The following DCLK2 variants were observed in gnomAD, a reference collection of about 807,000 sequenced individuals.
DCLK2 encodes doublecortin like kinase 2, also known as serine/threonine-protein kinase DCLK2.
In DCLK2, 31 loss-of-function variants were observed where a neutral mutation model predicts 78.4. The ratio of observed to expected loss-of-function variants is 0.40; its 90% confidence interval spans 0.30 to 0.53. The LOEUF (loss-of-function observed/expected upper bound fraction) is 0.53, where lower values mean the gene tolerates loss of function less well. DCLK2 is among the 20% of genes least tolerant of loss of function. DCLK2 has a pLI of 0.61. For synonymous variants in DCLK2, 407 were observed against 374.9 expected, an observed-to-expected ratio of 1.09 and a Z score of -0.99; for missense variants, 872 against 973.7, an observed-to-expected ratio of 0.90 and a Z score of 1.39.
In DCLK2 at chr4:150,190,053, G is replaced by GAAAAAAAA. The variant is rs1378760105; in HGVS notation, c.757-3085_757-3084insAAAAAAAA. On this transcript the variant is annotated intron_variant, in intron 2 of 15. Transcript: ENST00000296550. ...CTGTCTCAAAAAAAAAAAAAAAAAG[G>GAAAAAAAA]CCAAGTGTGGTGGCTGTGGTCCCAG... Among the ~76,000 whole-genome samples, 12 of 12,946 alleles carry GAAAAAAAA rather than the reference G, an allele frequency of 9.3e-4. 2 individuals carry two copies. The highest frequency in any genetic ancestry group is 2.3e-3 in the Non-Finnish European group (8 of 3,496). 8.5% of individuals were successfully genotyped at this position (12,946 alleles called of 152,430 possible). A position where few individuals can be genotyped will look rare whatever the true frequency, so the allele number is the denominator to read the frequency against.
At chr4:150,172,607 C>CAAAAAAA (rs34267089) in intron 2 of DCLK2, among the ~76,000 whole-genome samples, 1 of 70,152 alleles carries the variant, frequency 1.4e-5, no homozygotes, top group African/African-American at 5.5e-5. Context: ...GACTCCGTCT[C>CAAAAAAA]AAAAAAAAAA....
At chr4:150,109,166 T>G (rs2150163404) in intron 2 of DCLK2, among the ~76,000 whole-genome samples, 1 of 152,306 alleles carries the variant, frequency 6.6e-6, no homozygotes, top group South Asian at 2.1e-4. Flanking sequence ...CTAACCATAT[T>G]TAGATAAAGC....
At chr4:150,080,785 A>G (rs1276945154) in intron 1 of DCLK2, among the ~76,000 whole-genome samples, 1 of 152,200 alleles carries the variant, frequency 6.6e-6, no homozygotes, top group African/African-American at 2.4e-5. Flanking sequence ...GAGTTTGTCT[A>G]TTTAGTCAGA....
intron 2 of DCLK2, among the ~76,000 whole-genome samples, chr4:150,163,498 A>G (rs1056567813): frequency 6.6e-6 from 1 of 152,214 alleles, no homozygotes; most frequent in Non-Finnish European, 1.5e-5. Context: ...AGAGGAGTTC[A>G]AAGCCCAGGA....
intron 5 of DCLK2, 51 bp from the exon 6 acceptor site, chr4:150,220,652 C>T: frequency 2.0e-6 from 3 of 1,474,218 alleles, no homozygotes; most frequent in Non-Finnish European, 2.8e-6. Flanking sequence ...GATTAGTTAG[C>T]TAGGGATTTG....
In DCLK2 at chr4:150,175,205, TTATATATATTTATC is replaced by T. The variant is rs575794101; in HGVS notation, c.757-17919_757-17906del. 8.6e-4 allele frequency among the ~76,000 whole-genome samples: 112 copies of T among 129,728 alleles called. 3 individuals are homozygous for T. The highest frequency in any genetic ancestry group is 2.1e-3 in the South Asian group (9 of 4,382). The allele number at this position is 129,728 out of a possible 152,430, so 85.1% of individuals were successfully genotyped here. A position where few individuals can be genotyped will look rare whatever the true frequency, so the allele number is the denominator to read the frequency against. ...ATATTTATAATTTATCTATATATAT[TTATATATATTTATC>T]TATATATATTTATATATATATAAAG... On this transcript the variant is annotated intron_variant, in intron 2 of 15. Transcript: ENST00000296550.
At chr4:150,201,388 TC>T (rs1739440116) in intron 4 of DCLK2, among the ~76,000 whole-genome samples, 1 of 152,040 alleles carries the variant, frequency 6.6e-6, no homozygotes, top group Non-Finnish European at 1.5e-5. Flanking sequence ...CCCATTAGCC[TC>T]CCCAGAACTG....
chr4:150,191,399 C>G (rs1488692849), intron 2 of DCLK2, among the ~76,000 whole-genome samples: 1 of 151,896 alleles, frequency 6.6e-6, no homozygotes, highest in Non-Finnish European at 1.5e-5. Context: ...GGTTAGCAAA[C>G]CTGTTCCAGG....
intron 2 of DCLK2, among the ~76,000 whole-genome samples, chr4:150,154,061 T>C (rs1735086721): frequency 6.6e-6 from 1 of 152,224 alleles, no homozygotes; most frequent in African/African-American, 2.4e-5. Context: ...AAGGGTGTCC[T>C]AGTTTGAGTG....
intron 2 of DCLK2, among the ~76,000 whole-genome samples, chr4:150,109,789 G>A (rs1218154756): frequency 6.6e-6 from 1 of 152,162 alleles, no homozygotes; most frequent in African/African-American, 2.4e-5. Flanking sequence ...CAACTAGTAG[G>A]ATATTTCTGT....
At chr4:150,190,240 T>TAGACAGAC (rs1553966424) in intron 2 of DCLK2, among the ~76,000 whole-genome samples, 1 of 35,688 alleles carries the variant, frequency 2.8e-5, no homozygotes. Context: ...GATAGTTAGA[T>TAGACAGAC]AGATAGATAG....
intron 12 of DCLK2, 77 bp from the exon 13 acceptor site, chr4:150,247,526 G>C (rs1004170781): frequency 9.3e-6 from 12 of 1,284,466 alleles, no homozygotes; most frequent in Non-Finnish European, 1.1e-5. Context: ...TCCTTTCCCC[G>C]CTCTTCCTGT....
intron 2 of DCLK2, among the ~76,000 whole-genome samples, chr4:150,108,436 C>A (rs551942103): frequency 6.6e-6 from 1 of 151,490 alleles, no homozygotes; most frequent in African/African-American, 2.4e-5. Flanking sequence ...CCCAGCTACA[C>A]GGGAGGCTGA....
chr4:150,079,088 CCGGGGT>C lies in DCLK2; in HGVS notation c.64_69del (p.Gly22_Ser23del). The C allele has an allele frequency of 1.3e-6, 2 of 1,563,940 alleles. No individual in the cohort carries two copies. The highest frequency in any genetic ancestry group is 1.7e-6 in the Non-Finnish European group (2 of 1,158,460). ...TGAGGAACGGGACAAAAGGCCGCGG[CCGGGGT>C]CGCGGAGAGGGGCCCCCAGCTCCTC... On this transcript the variant is annotated inframe_deletion, in exon 1 of 16. Transcript: ENST00000296550.
chr4:150,238,179 CTTG>C (rs200477890), intron 10 of DCLK2, among the ~76,000 whole-genome samples: 2,328 of 152,100 alleles, frequency 0.015, 23 homozygotes, highest in Middle Eastern at 0.031. Flanking sequence ...TAGAGATAAA[CTTG>C]TTAACATTTT....
rs373740448 is a variant in DCLK2, at chr4:150,193,185, A to G, written c.804A>G (p.Ala268=). The change falls in exon 3 of 16, where the codon GCA becomes GCG. Residue 268 remains alanine, a synonymous_variant. Transcript: ENST00000296550. The part of the protein sequence containing the change: ...DFFGDDDVFI[A]CGPEKFRYAQ... ...TTGGTGATGACGATGTTTTTATTGC[A>G]TGTGGACCAGAAAAATTTCGTTATG... 4.8e-5 allele frequency: 78 copies of G among 1,611,666 alleles called. No homozygotes were observed. The highest frequency in any genetic ancestry group is 6.2e-5 in the Non-Finnish European group (73 of 1,178,536).
chr4:150,085,993 G>A (rs28392881), intron 1 of DCLK2, among the ~76,000 whole-genome samples: 30,372 of 152,072 alleles, frequency 0.2, 3,308 homozygotes, highest in African/African-American at 0.25. Context: ...TTGAAAGTTG[G>A]CTGGGTACTT....
rs1005681484 is a variant in DCLK2, at chr4:150,256,233, C to T, written c.2287C>T (p.Arg763Cys). The stretch of plus-strand genomic sequence containing the variant: ...TGGTGAGCGGGCAGGAACCTGGCGC[C>T]GCCACCGAGACTGAGCCTCCTGCAG... ...PGGERAGTWR[R>C]HRD is the part of the protein sequence containing the mutation. The change falls in exon 16 of 16, where the codon CGC (arginine) becomes TGC (cysteine). Residue 763 changes from arginine to cysteine, a missense_variant. Transcript: ENST00000296550. 20 of 1,507,448 alleles carry T rather than the reference C, an allele frequency of 1.3e-5. No homozygotes were observed. The African/African-American group carries it at 1.6e-4, about 12-fold the overall frequency. 93.4% of individuals were successfully genotyped at this position (1,507,448 alleles called of 1,614,324 possible). A position where few individuals can be genotyped will look rare whatever the true frequency, so the allele number is the denominator to read the frequency against.
chr4:150,216,684 T>G (rs182902178), intron 5 of DCLK2, among the ~76,000 whole-genome samples: 2 of 152,194 alleles, frequency 1.3e-5, no homozygotes, highest in Admixed American at 1.3e-4. Flanking sequence ...ACATTTCCCT[T>G]CCTTGCTTAT....
Sources: allele counts gnomAD v4.1 joint callset (sites outside exome capture counted in the v4.1 genomes callset), GRCh38; gene constraint gnomAD v4.1.1; transcripts MANE v1.5; gene names NCBI Gene and HGNC (gene_info 2026-07-23, HGNC 2026-07-21).